Variants in SORCS1 observed in about 807,000 individuals in gnomAD.
SORCS1 encodes VPS10 domain-containing receptor SorCS1.
Under a neutral mutation model 146.1 loss-of-function variants are expected in SORCS1, and 60 were observed. The ratio of observed to expected loss-of-function variants is 0.41; its 90% CI spans 0.33 to 0.51. SORCS1 has a LOEUF of 0.51. SORCS1 is among the 20% of genes least tolerant of loss of function. SORCS1 has a pLI of 0.21. For synonymous variants in SORCS1, 637 were observed against 584.0 expected, an observed-to-expected ratio of 1.09 and a Z score of -1.31; for missense variants, 1,352 against 1,487.6, an observed-to-expected ratio of 0.91 and a Z score of 1.50.
intron 3 of SORCS1, among the ~76,000 whole-genome samples, chr10:106,810,216 G>A (rs866888152): frequency 2.0e-5 from 3 of 151,594 alleles, no homozygotes; most frequent in Non-Finnish European, 2.9e-5. Context: ...GTGAGACTCC[G>A]TCTCAGGAAA....
At chr10:106,674,922 C>T in intron 14 of SORCS1, 127 bp downstream of exon 14, 3 of 646,848 alleles carry the variant, frequency 4.6e-6, no homozygotes, top group African/African-American at 1.8e-5. Context: ...ATTTGCTGTA[C>T]ACTCTTGCAG....
At chr10:107,121,106 G>A (rs1312199907) in intron 1 of SORCS1, among the ~76,000 whole-genome samples, 1 of 152,168 alleles carries the variant, frequency 6.6e-6, no homozygotes, top group African/African-American at 2.4e-5. Flanking sequence ...ATGCAACTTA[G>A]TGTCTATAAT....
chr10:106,721,908 A>G (rs1855806269), intron 6 of SORCS1, among the ~76,000 whole-genome samples: 2 of 152,218 alleles, frequency 1.3e-5, no homozygotes, highest in South Asian at 4.1e-4. Context: ...TGACTTTATA[A>G]TGGAGTTCTA....
At chr10:107,166,597 C>G (rs1970057444), upstream of SORCS1, among the ~76,000 whole-genome samples, 1 of 152,168 alleles carries the variant, frequency 6.6e-6, no homozygotes, top group Non-Finnish European at 1.5e-5. Flanking sequence ...AGCCAGAGGT[C>G]CTCTCTCCTC....
intron 2 of SORCS1, among the ~76,000 whole-genome samples, chr10:106,859,310 A>C (rs1195092158): frequency 6.6e-6 from 1 of 152,176 alleles, no homozygotes; most frequent in Non-Finnish European, 1.5e-5. Context: ...GCATTTTCTA[A>C]AGGCAGGGAT....
chr10:106,754,063 G>A (rs956907972), intron 5 of SORCS1, among the ~76,000 whole-genome samples: 15 of 152,100 alleles, frequency 9.9e-5, no homozygotes, highest in Admixed American at 5.2e-4. Context: ...TCTTCCCCAC[G>A]TCTTTTGGTA....
chr10:107,144,167 A>G (rs1356613587), intron 1 of SORCS1, among the ~76,000 whole-genome samples: 1 of 152,030 alleles, frequency 6.6e-6, no homozygotes, highest in Non-Finnish European at 1.5e-5. Context: ...ATCATATGTG[A>G]TATCTTCTTC....
In SORCS1 at chr10:106,652,426, C is replaced by T; in HGVS notation, c.2431G>A (p.Ala811Thr). The T allele has an allele frequency of 6.2e-7, 1 of 1,614,134 alleles. No homozygotes were observed. The highest frequency in any genetic ancestry group is 8.5e-7 in the Non-Finnish European group (1 of 1,179,992). Residue 811 changes from alanine to threonine, a missense_variant, in exon 18 of 26, where the codon GCG (alanine) becomes ACG (threonine). Coordinates refer to ENST00000263054, the MANE Select transcript of SORCS1 (RefSeq NM_052918.5). ...AGAGTGACGTTGTGTCCTTGTTCCG[C>T]TGTCAGCTTTCCATCAGCCGTGACT... ...RIVTADGKLT[A>T]EQGHNVTLMV...
chr10:106,722,643 G>T (rs1239005750), intron 6 of SORCS1, among the ~76,000 whole-genome samples: 1 of 152,122 alleles, frequency 6.6e-6, no homozygotes, highest in Admixed American at 6.6e-5. Context: ...AATAAACACT[G>T]GGACCAGTAA....
At chr10:106,740,546 T>C (rs182503346) in intron 5 of SORCS1, among the ~76,000 whole-genome samples, 129 of 152,268 alleles carry the variant, frequency 8.5e-4, no homozygotes, top group Non-Finnish European at 1.7e-3. Context: ...AAAATAAACA[T>C]GTCAGGTGAT....
intron 1 of SORCS1, among the ~76,000 whole-genome samples, chr10:107,066,308 G>A (rs1961853667): frequency 6.6e-6 from 1 of 152,082 alleles, no homozygotes; most frequent in African/African-American, 2.4e-5. Flanking sequence ...TTTGATCCAA[G>A]AGCCTCTAAT....
At chr10:107,147,038 C>A (rs568278502) in intron 1 of SORCS1, among the ~76,000 whole-genome samples, 1 of 152,120 alleles carries the variant, frequency 6.6e-6, no homozygotes, top group African/African-American at 2.4e-5. Flanking sequence ...CCCCTAAGTC[C>A]TTACCTACAT....
chr10:106,947,357 T>A (rs1954402999), intron 2 of SORCS1, among the ~76,000 whole-genome samples: 1 of 152,238 alleles, frequency 6.6e-6, no homozygotes, highest in African/African-American at 2.4e-5. Flanking sequence ...TTTACAGATA[T>A]GTTTATCGGA....
chr10:106,902,335 T>C (rs1951741198), intron 2 of SORCS1, among the ~76,000 whole-genome samples: 1 of 152,110 alleles, frequency 6.6e-6, no homozygotes, highest in Non-Finnish European at 1.5e-5. Flanking sequence ...TATACTTACA[T>C]ACAACAAAAA....
At chr10:106,974,819 GA>G (rs1452734859) in intron 1 of SORCS1, among the ~76,000 whole-genome samples, 7 of 152,312 alleles carry the variant, frequency 4.6e-5, no homozygotes, top group African/African-American at 1.7e-4. Flanking sequence ...TTTTGAGAAT[GA>G]AAATGCAATC....
At chr10:106,694,961 A>G (rs1853583823) in intron 9 of SORCS1, among the ~76,000 whole-genome samples, 1 of 151,916 alleles carries the variant, frequency 6.6e-6, no homozygotes, top group African/African-American at 2.4e-5. Flanking sequence ...TACCATCCAA[A>G]CCTGTCAGGC....
chr10:106,862,327 A>G (rs1040948955), intron 2 of SORCS1, among the ~76,000 whole-genome samples: 1 of 151,972 alleles, frequency 6.6e-6, no homozygotes, highest in Non-Finnish European at 1.5e-5. Context: ...GGGTGAAATA[A>G]TTGATGCTAT....
At chr10:106,595,072 T>C (rs1367609195) in intron 24 of SORCS1, among the ~76,000 whole-genome samples, 3 of 152,208 alleles carry the variant, frequency 2.0e-5, no homozygotes, top group Admixed American at 2.0e-4. Flanking sequence ...TGCCATGTGC[T>C]ACCCCCATTC....
At chr10:106,896,024 C>A (rs1951461029) in intron 2 of SORCS1, among the ~76,000 whole-genome samples, 1 of 151,830 alleles carries the variant, frequency 6.6e-6, no homozygotes, top group Admixed American at 6.6e-5. Flanking sequence ...CATGTTAGAA[C>A]ATAGATGGAA....
Sources: gnomAD v4.1 joint callset for allele counts (sites outside exome capture counted in the v4.1 genomes callset) on GRCh38, gnomAD v4.1.1 for gene constraint, MANE v1.5 for transcripts, NCBI Gene and HGNC (gene_info 2026-07-23, HGNC 2026-07-21) for gene names.